ZNF195: variants seen among roughly 807,000 people sequenced by gnomAD.
The protein encoded by ZNF195 is hypoxia-regulated factor-1.
A neutral mutation model predicts 19.5 loss-of-function variants in ZNF195; 11 were observed. The observed-to-expected ratio is 0.57, with a 90% CI of 0.36 to 0.94. ZNF195 has a LOEUF of 0.94. Ranked by LOEUF, ZNF195 falls within the 40% of genes least tolerant of loss-of-function variation. ZNF195 has a pLI of 0.01. For missense variants in ZNF195, 582 were observed against 709.0 expected (o/e 0.82, Z 2.03); for synonymous variants, 214 against 248.1 (o/e 0.86, Z 1.29).
At chr11:3,367,574 T>C (rs755205838) in intron 3 of ZNF195, among the ~76,000 whole-genome samples, 1 of 152,098 alleles carries the variant, frequency 6.6e-6, no homozygotes, top group Non-Finnish European at 1.5e-5. Context: ...ATTATATGTT[T>C]ACTATACCGA....
At chr11:3,363,735 T>C (rs6578337) in intron 3 of ZNF195, among the ~76,000 whole-genome samples, 97,146 of 152,068 alleles carry the variant, frequency 0.64, 31,615 homozygotes, top group Middle Eastern at 0.73. Flanking sequence ...AGGAACAATG[T>C]TGGAGGTATC....
intron 3 of ZNF195, chr11:3,369,250 T>C (rs1849057677): frequency 8.5e-6 from 2 of 234,036 alleles, no homozygotes; most frequent in South Asian, 4.9e-5. Flanking sequence ...TTGATAAGGA[T>C]GTAAAGAAAA....
Position 3,361,529 on chromosome 11 carries a change from A to G in ZNF195, c.373+214T>C, listed in dbSNP as rs142070590. 6.3e-3 allele frequency among the ~76,000 whole-genome samples: 957 copies of G among 152,332 alleles called. 12 individuals carry two copies. Among genetic ancestry groups the G allele is most frequent in the African/African-American group, 0.022 (917 of 41,572 alleles). On this transcript the variant is annotated intron_variant, in intron 4 of 5. Transcript: ENST00000399602. ...AATAAAAAGACATGAAGTATGAAAA[A>G]CAGACTGAGAAACTGAGGTATGAAA... is the stretch of plus-strand genomic sequence containing the variant.
At chr11:3,366,815 A>G (rs1457368206) in intron 3 of ZNF195, 2 of 394,470 alleles carry the variant, frequency 5.1e-6, no homozygotes, top group African/African-American at 4.1e-5. Context: ...CTGGAACCCC[A>G]GCACTTCGGG....
At chr11:3,377,506 A>T in intron 1 of ZNF195, 1 of 899,924 alleles carries the variant, frequency 1.1e-6, no homozygotes, top group Non-Finnish European at 1.4e-6. Context: ...GGCAGAAATG[A>T]TTTCGGTCTT....
At position 3,358,780 on chromosome 11, in the gene ZNF195, CA is replaced by C; in HGVS notation, c.*337del. On this transcript the variant is annotated 3_prime_UTR_variant, in exon 6 of 6. Coordinates refer to ENST00000399602, the MANE Select transcript of ZNF195 (RefSeq NM_001130520.3). ...TGAACGTGTCCTTGCTTATTTTTCC[CA>C]TTTAGTGTATTTGCAAAATATCTTT... 4 of 15,760 alleles carry C rather than the reference CA, an allele frequency of 2.5e-4. No individual in the cohort carries two copies. The highest frequency in any genetic ancestry group is 3.1e-4 in the Non-Finnish European group (3 of 9,740). The allele number at this position is 15,760 out of a possible 1,614,324, so 1.0% of individuals were successfully genotyped here. A position where few individuals can be genotyped will look rare whatever the true frequency, so the allele number is the denominator to read the frequency against.
chr11:3,373,567 A>G, intron 1 of ZNF195: 1 of 1,547,772 alleles, frequency 6.5e-7, no homozygotes, highest in Non-Finnish European at 8.7e-7. Context: ...CTGACCTGAG[A>G]TGCATTTACC....
chr11:3,360,494 G>C lies in ZNF195; in HGVS notation c.514C>G (p.Leu172Val). Reference sequence around the variant, plus strand: ...AGGCCACAATTTCCATATCCTCTCAGTATTCTTTTTGGGAATGCATCTTGT... The same window carrying C: ...AGGCCACAATTTCCATATCCTCTCACTATTCTTTTTGGGAATGCATCTTGT... ...GIQDAFPKRI[L>V]RGYGNCGLDN... Residue 172 changes from leucine to valine, a missense_variant, in exon 6 of 6, where the codon CTG becomes GTG. Leu to Val is a conservative substitution (Grantham distance 32). This residue lies in a region of ZNF195 where 129 missense variants were observed against 112.1 expected (regional missense o/e 1.15). Coordinates refer to ENST00000399602, the MANE Select transcript of ZNF195 (RefSeq NM_001130520.3). The C allele has an allele frequency of 6.2e-7, 1 of 1,605,530 alleles. No individual in the cohort carries two copies. The highest frequency in any genetic ancestry group is 1.1e-5 in the South Asian group (1 of 90,396).
chr11:3,363,647 T>G (rs947075868), intron 3 of ZNF195, among the ~76,000 whole-genome samples: 4 of 152,214 alleles, frequency 2.6e-5, no homozygotes, highest in Non-Finnish European at 5.9e-5. Flanking sequence ...AATCCTCTTT[T>G]TGCAGAAATA....
intron 1 of ZNF195, among the ~76,000 whole-genome samples, chr11:3,375,177 C>T (rs1210843464): frequency 1.3e-5 from 2 of 152,202 alleles, no homozygotes; most frequent in East Asian, 1.9e-4. Context: ...AGAGTCTGGG[C>T]ATGTCTGGGC....
At chr11:3,378,050 C>G (rs1849550709) in intron 1 of ZNF195, 1 of 570,234 alleles carries the variant, frequency 1.8e-6, no homozygotes, top group Non-Finnish European at 2.2e-6. Flanking sequence ...TGGCTCACGA[C>G]TGTAATCCCA....
chr11:3,370,816 C>G, intron 3 of ZNF195, 159 bp downstream of exon 3: 1 of 615,024 alleles, frequency 1.6e-6, no homozygotes, highest in South Asian at 2.5e-5. Flanking sequence ...GAGAATGAGA[C>G]AGAAGACGCT....
Position 3,365,530 on chromosome 11 carries a change from G to C in ZNF195, c.227-3641C>G, listed in dbSNP as rs757813212. Among the ~76,000 whole-genome samples the C allele has an allele frequency of 1.8e-4, 28 of 152,328 alleles. 1 individual carries two copies. Among genetic ancestry groups the C allele is most frequent in the South Asian group, 6.2e-4 (3 of 4,824 alleles). Reference sequence around the variant, plus strand: ...CATACACATTCTTGCTCAATGGTCAGATAATTTAGTTTTTTAAAGATGTCA... The same window carrying C: ...CATACACATTCTTGCTCAATGGTCACATAATTTAGTTTTTTAAAGATGTCA... On this transcript the variant is annotated intron_variant, in intron 3 of 5. Transcript: ENST00000399602.
intron 3 of ZNF195, among the ~76,000 whole-genome samples, chr11:3,367,839 A>G (rs1848979765): frequency 6.6e-6 from 1 of 152,046 alleles, no homozygotes; most frequent in South Asian, 2.1e-4. Context: ...TGGGAGGCCA[A>G]GGCAGGCAGA....
chr11:3,376,484 G>A (rs544255469), intron 1 of ZNF195, among the ~76,000 whole-genome samples: 3 of 152,360 alleles, frequency 2.0e-5, no homozygotes, highest in African/African-American at 7.2e-5. Flanking sequence ...TTCTTTTGCA[G>A]ACTCAGTATT....
intron 3 of ZNF195, 37 bp downstream of exon 3, chr11:3,370,938 C>T (rs1170440007): frequency 1.9e-6 from 3 of 1,610,542 alleles, no homozygotes; most frequent in African/African-American, 2.7e-5. Flanking sequence ...CTCTGGACCT[C>T]TCACCTGGGT....
At chr11:3,373,494 G>A in intron 1 of ZNF195, 1 of 1,064,108 alleles carries the variant, frequency 9.4e-7, no homozygotes, top group South Asian at 1.4e-5. Flanking sequence ...ACCACAAGTA[G>A]AGAAGTAAAG....
At chr11:3,371,130 T>G in intron 2 of ZNF195, 60 bp from the exon 3 acceptor site, 1 of 1,504,796 alleles carries the variant, frequency 6.6e-7, no homozygotes, top group Non-Finnish European at 9.2e-7. Context: ...ATCAACCTTG[T>G]ACTGTGCTTA....
At chr11:3,375,965 C>A (rs1200886720) in intron 1 of ZNF195, among the ~76,000 whole-genome samples, 1 of 152,186 alleles carries the variant, frequency 6.6e-6, no homozygotes, top group Non-Finnish European at 1.5e-5. Flanking sequence ...GCCATGAGAT[C>A]CATGATAGTT....
Sources: gnomAD v4.1 joint callset for allele counts (sites outside exome capture counted in the v4.1 genomes callset) on GRCh38, gnomAD v4.1.1 for gene constraint, gnomAD v4.1.1 regional missense constraint, MANE v1.5 for transcripts, NCBI Gene and HGNC (gene_info 2026-07-23, HGNC 2026-07-21) for gene names.